Variants in TFDP2 observed in about 807,000 individuals in gnomAD.
The protein encoded by TFDP2 is transcription factor Dp-2 (E2F dimerization partner 2).
Under a neutral mutation model 59.3 loss-of-function variants are expected in TFDP2, and 17 were observed. That is an observed-to-expected ratio of 0.29 (90% CI 0.20 to 0.43). The LOEUF (loss-of-function observed/expected upper bound fraction) is 0.43. Among genes scored for constraint, TFDP2 ranks in the 20% least tolerant of loss-of-function variants. TFDP2 has a pLI of 1.00. For synonymous variants in TFDP2, 180 were observed against 194.7 expected (o/e 0.92, Z 0.63); for missense variants, 391 against 528.8 (o/e 0.74, Z 2.56).
chr3:141,972,689 G>A (rs927661560), intron 8 of TFDP2, among the ~76,000 whole-genome samples: 3 of 152,080 alleles, frequency 2.0e-5, no homozygotes, highest in Non-Finnish European at 4.4e-5. Context: ...CAGAGAATCT[G>A]TACATTTCTT....
chr3:142,144,671 AC>A (rs571745398), intron 1 of TFDP2, among the ~76,000 whole-genome samples: 3 of 151,914 alleles, frequency 2.0e-5, no homozygotes, highest in Non-Finnish European at 4.4e-5. Flanking sequence ...CCTCCTGAGT[AC>A]CTGGGACTAT....
intron 1 of TFDP2, among the ~76,000 whole-genome samples, chr3:142,136,857 G>C (rs575368943): frequency 6.6e-6 from 1 of 152,128 alleles, no homozygotes; most frequent in East Asian, 1.9e-4. Flanking sequence ...GCTTAGGATT[G>C]TCTTGGCAAT....
intron 1 of TFDP2, among the ~76,000 whole-genome samples, chr3:142,115,577 CA>C (rs1456650299): frequency 1.3e-5 from 2 of 152,170 alleles, no homozygotes; most frequent in Non-Finnish European, 2.9e-5. Context: ...CTCGGCCTCC[CA>C]AAGTACTGGG....
At chr3:141,990,930 C>T (rs1275070176) in intron 6 of TFDP2, among the ~76,000 whole-genome samples, 8 of 151,970 alleles carry the variant, frequency 5.3e-5, no homozygotes, top group African/African-American at 1.7e-4. Flanking sequence ...TGGTGGCACA[C>T]GCCTGTAATC....
intron 1 of TFDP2, among the ~76,000 whole-genome samples, chr3:142,130,419 G>A (rs141145247): frequency 3.0e-4 from 45 of 151,948 alleles, no homozygotes; most frequent in African/African-American, 8.0e-4. Context: ...GTAGAATGGT[G>A]GTTATCAGTG....
At chr3:141,961,657 T>TG (rs1937379221) in intron 10 of TFDP2, among the ~76,000 whole-genome samples, 1 of 152,212 alleles carries the variant, frequency 6.6e-6, no homozygotes, top group African/African-American at 2.4e-5. Flanking sequence ...ACCACTGGGC[T>TG]GGGTTGTATA....
intron 3 of TFDP2, among the ~76,000 whole-genome samples, chr3:142,085,295 G>C (rs1055477984): frequency 5.0e-4 from 74 of 147,160 alleles, no homozygotes; most frequent in African/African-American, 2.0e-3. Context: ...TGCTTGAGGG[G>C]ATGGATACTC....
intron 3 of TFDP2, among the ~76,000 whole-genome samples, chr3:142,042,542 C>T (rs1398709074): frequency 6.6e-6 from 1 of 151,876 alleles, no homozygotes; most frequent in Non-Finnish European, 1.5e-5. Context: ...TCGAGATCCG[C>T]CTGCCTCAGC....
At chr3:142,021,685 A>G (rs1001615458) in intron 3 of TFDP2, among the ~76,000 whole-genome samples, 2 of 152,222 alleles carry the variant, frequency 1.3e-5, no homozygotes, top group African/African-American at 4.8e-5. Context: ...TGAAAGGAGA[A>G]AAACATTTTT....
At chr3:142,094,304 AC>A (rs957348605) in intron 2 of TFDP2, among the ~76,000 whole-genome samples, 1 of 139,922 alleles carries the variant, frequency 7.1e-6, no homozygotes, top group African/African-American at 2.5e-5. Context: ...CTCAAACTGT[AC>A]TTTTTTTTTT....
chr3:142,108,961 G>A (rs56376383), intron 1 of TFDP2, among the ~76,000 whole-genome samples: 16,533 of 152,122 alleles, frequency 0.11, 1,121 homozygotes, highest in Middle Eastern at 0.17. Flanking sequence ...AAAAACATCC[G>A]TTTTCTACTA....
At position 141,950,423 on chromosome 3, in the gene TFDP2, T is replaced by C. The variant is rs1465600619; in HGVS notation, c.*2090A>G. On this transcript the variant is annotated 3_prime_UTR_variant, in exon 13 of 13. Transcript: ENST00000489671. Reference sequence around the variant, plus strand: ...AGGATAAGAGTCTTTGGCGGCTTTCTTTTTTTGAGCCCATATTTTATCAAT... The same window carrying C: ...AGGATAAGAGTCTTTGGCGGCTTTCCTTTTTTGAGCCCATATTTTATCAAT... 2 of 152,410 alleles carry C rather than the reference T, an allele frequency of 1.3e-5. No individual in the cohort carries two copies. Among genetic ancestry groups the C allele is most frequent in the Non-Finnish European group, 2.9e-5 (2 of 68,042 alleles). 9.4% of individuals were successfully genotyped at this position (152,410 alleles called of 1,614,324 possible). A position where few individuals can be genotyped will look rare whatever the true frequency, so the allele number is the denominator to read the frequency against.
At chr3:141,961,814 T>TG (rs1488524700) in intron 10 of TFDP2, among the ~76,000 whole-genome samples, 1 of 152,170 alleles carries the variant, frequency 6.6e-6, no homozygotes, top group Non-Finnish European at 1.5e-5. Context: ...AGTGTGCACC[T>TG]GCAGTCCTGG....
intron 3 of TFDP2, among the ~76,000 whole-genome samples, chr3:142,015,541 C>T (rs906733319): frequency 4.6e-5 from 7 of 152,206 alleles, no homozygotes; most frequent in Non-Finnish European, 7.3e-5. Flanking sequence ...GTCCCGCAAG[C>T]TGGATCTTTA....
At chr3:142,116,064 CT>C (rs200540799) in intron 1 of TFDP2, among the ~76,000 whole-genome samples, 8,760 of 144,544 alleles carry the variant, frequency 0.061, 326 homozygotes, top group East Asian at 0.2. Context: ...CATTTTGCAA[CT>C]TTTTTTTTTT....
intron 4 of TFDP2, among the ~76,000 whole-genome samples, chr3:141,998,441 C>T (rs778420850): frequency 6.6e-6 from 1 of 151,940 alleles, no homozygotes; most frequent in African/African-American, 2.4e-5. Flanking sequence ...TGGTGAAACC[C>T]CATATCTACC....
At chr3:142,148,558 A>G (rs897267850) in intron 1 of TFDP2, among the ~76,000 whole-genome samples, 1 of 152,200 alleles carries the variant, frequency 6.6e-6, no homozygotes, top group Non-Finnish European at 1.5e-5. Flanking sequence ...AGATCACACA[A>G]TGGGAGATAG....
chr3:141,963,772 A>C (rs1290043143), intron 10 of TFDP2, 40 bp downstream of exon 10: 6 of 1,555,728 alleles, frequency 3.9e-6, no homozygotes, highest in Non-Finnish European at 3.5e-6. Context: ...AAATGTTAAC[A>C]GAAGGCCAGC....
At chr3:142,125,729 T>C (rs2108710526) in intron 1 of TFDP2, among the ~76,000 whole-genome samples, 1 of 152,334 alleles carries the variant, frequency 6.6e-6, no homozygotes, top group East Asian at 1.9e-4. Context: ...ACCATCTGTA[T>C]AAAAAGATTC....
Sources: allele counts gnomAD v4.1 joint callset (sites outside exome capture counted in the v4.1 genomes callset), GRCh38; gene constraint gnomAD v4.1.1; transcripts MANE v1.5; gene names NCBI Gene and HGNC (gene_info 2026-07-23, HGNC 2026-07-21).